PHF21A: variants seen among roughly 807,000 people sequenced by gnomAD.
The protein encoded by PHF21A is BHC80a.
A neutral mutation model predicts 82.5 loss-of-function variants in PHF21A; 11 were observed. The ratio of observed to expected loss-of-function variants is 0.13; its 90% confidence interval spans 0.08 to 0.22. The LOEUF is 0.22. Among genes scored for constraint, PHF21A ranks in the 10% least tolerant of loss-of-function variants. The pLI, the probability that PHF21A is intolerant of heterozygous loss-of-function variation, is 1.00. For synonymous variants in PHF21A, 297 were observed against 302.8 expected (o/e 0.98, Z 0.20); for missense variants, 579 against 837.8 (o/e 0.69, Z 3.81).
At chr11:45,960,047 C>A (rs552923537) in intron 10 of PHF21A, among the ~76,000 whole-genome samples, 6 of 152,134 alleles carry the variant, frequency 3.9e-5, no homozygotes, top group Non-Finnish European at 8.8e-5. Context: ...GGTAAGGATG[C>A]GGAGACAATG....
At position 45,979,880 on chromosome 11, in the gene PHF21A, A is replaced by T. The variant is rs2094205787; in HGVS notation, c.240T>A (p.Ser80=). 1 of 1,614,026 alleles carries T rather than the reference A, an allele frequency of 6.2e-7. No homozygotes were observed. The highest frequency in any genetic ancestry group is 1.3e-5 in the African/African-American group (1 of 74,910). The change falls in exon 7 of 19, where the codon TCT becomes TCA. Residue 80 remains serine (S), a synonymous_variant. Coordinates refer to ENST00000676320, the MANE Select transcript of PHF21A (RefSeq NM_001352027.3). ...DKFQIQPLPQ[S]ENKLQTAQQQ... is the part of the protein sequence containing the mutation. ...GCTGTGCTGTTTGTAGTTTGTTTTC[A>T]GATTGTGGCAATGGCTGTATTTGGA...
At chr11:46,001,380 A>G (rs2095124671) in intron 6 of PHF21A, among the ~76,000 whole-genome samples, 1 of 151,202 alleles carries the variant, frequency 6.6e-6, no homozygotes, top group Non-Finnish European at 1.5e-5. Context: ...CTATTCCGAT[A>G]AAGTATTGCC....
intron 1 of PHF21A, among the ~76,000 whole-genome samples, chr11:46,114,854 T>C (rs567436779): frequency 1.4e-4 from 21 of 152,348 alleles, no homozygotes; most frequent in African/African-American, 4.8e-4. Context: ...ACAGTTTGTA[T>C]TCTCAATGCA....
intron 6 of PHF21A, among the ~76,000 whole-genome samples, chr11:46,066,859 ATT>A (rs1481923524): frequency 6.6e-6 from 1 of 152,192 alleles, no homozygotes; most frequent in African/African-American, 2.4e-5. Context: ...TTTCCCATGC[ATT>A]TTCAAGTATA....
intron 6 of PHF21A, among the ~76,000 whole-genome samples, chr11:46,071,817 AAG>A (rs2096659855): frequency 6.6e-6 from 1 of 152,208 alleles, no homozygotes; most frequent in Non-Finnish European, 1.5e-5. Flanking sequence ...CTAATATTTA[AAG>A]CTGTTAAAAA....
chr11:46,102,177 G>A (rs1362234970), intron 1 of PHF21A, among the ~76,000 whole-genome samples: 1 of 151,654 alleles, frequency 6.6e-6, no homozygotes, highest in Non-Finnish European at 1.5e-5. Context: ...TCAAACTCCT[G>A]AGCTCAAGTG....
At chr11:46,057,578 G>A (rs2096478043) in intron 6 of PHF21A, among the ~76,000 whole-genome samples, 1 of 152,124 alleles carries the variant, frequency 6.6e-6, no homozygotes, top group Non-Finnish European at 1.5e-5. Context: ...AAGAGAGTTG[G>A]TATCTCTTTT....
At chr11:46,067,897 CAGAAG>C (rs1346024201) in intron 6 of PHF21A, among the ~76,000 whole-genome samples, 1 of 152,024 alleles carries the variant, frequency 6.6e-6, no homozygotes, top group Non-Finnish European at 1.5e-5. Context: ...CATGAGTACA[CAGAAG>C]AGGAGTGTCT....
At chr11:45,965,983 A>G (rs2135946901) in intron 9 of PHF21A, among the ~76,000 whole-genome samples, 1 of 152,224 alleles carries the variant, frequency 6.6e-6, no homozygotes, top group East Asian at 1.9e-4. Context: ...CCACAGCTTC[A>G]GTGCACCCCC....
At chr11:46,049,816 A>G (rs1358962607) in intron 6 of PHF21A, among the ~76,000 whole-genome samples, 2 of 149,356 alleles carry the variant, frequency 1.3e-5, no homozygotes, top group Admixed American at 1.3e-4. Context: ...TCTATATCCA[A>G]CAAATTAGCA....
chr11:46,000,519 C>T (rs61882509), intron 6 of PHF21A, among the ~76,000 whole-genome samples: 19,431 of 152,208 alleles, frequency 0.13, 1,567 homozygotes, highest in African/African-American at 0.24. Flanking sequence ...GACTCTATAA[C>T]GTTTTTCTTT....
At chr11:46,026,713 A>G (rs2095753988) in intron 6 of PHF21A, 1 of 152,202 alleles carries the variant, frequency 6.6e-6, no homozygotes, top group African/African-American at 2.4e-5. Flanking sequence ...TCCGTAATTA[A>G]AAAACCTGAG....
intron 8 of PHF21A, chr11:45,970,665 A>G (rs543365810): frequency 6.5e-6 from 1 of 154,028 alleles, no homozygotes; most frequent in South Asian, 2.0e-4. Flanking sequence ...TGCCTCAACT[A>G]ACTCCAGTTC....
chr11:46,062,405 T>C (rs569115421), intron 6 of PHF21A, among the ~76,000 whole-genome samples: 1 of 152,290 alleles, frequency 6.6e-6, no homozygotes, highest in South Asian at 2.1e-4. Flanking sequence ...CCTTTGTCTC[T>C]TCCATCTATT....
intron 2 of PHF21A, among the ~76,000 whole-genome samples, chr11:46,091,486 CTT>C (rs1214075530): frequency 1.3e-5 from 2 of 152,116 alleles, no homozygotes. Context: ...ATTTCTCTCT[CTT>C]TTTCTCTCTT....
intron 6 of PHF21A, among the ~76,000 whole-genome samples, chr11:46,009,575 T>C: frequency 6.6e-6 from 1 of 152,336 alleles, no homozygotes; most frequent in East Asian, 1.9e-4. Flanking sequence ...CATAATTTAA[T>C]CTTCAAAGCA....
intron 6 of PHF21A, among the ~76,000 whole-genome samples, chr11:46,041,637 C>T (rs1014796747): frequency 6.6e-6 from 1 of 152,166 alleles, no homozygotes; most frequent in African/African-American, 2.4e-5. Flanking sequence ...TATAAGCATA[C>T]TCCATACATG....
At chr11:45,965,274 A>C (rs1450734238) in intron 10 of PHF21A, 41 bp downstream of exon 10, 1 of 1,584,662 alleles carries the variant, frequency 6.3e-7, no homozygotes, top group Non-Finnish European at 8.6e-7. Flanking sequence ...TGCCTCAACG[A>C]CAAGGCTACT....
chr11:46,110,762 T>C (rs1489094506), intron 1 of PHF21A, among the ~76,000 whole-genome samples: 1 of 151,882 alleles, frequency 6.6e-6, no homozygotes, highest in Non-Finnish European at 1.5e-5. Flanking sequence ...AAGGAATCTA[T>C]TTAATGTCTA....
Sources: allele counts gnomAD v4.1 joint callset (sites outside exome capture counted in the v4.1 genomes callset), GRCh38; gene constraint gnomAD v4.1.1; transcripts MANE v1.5; gene names NCBI Gene and HGNC (gene_info 2026-07-23, HGNC 2026-07-21).